RGS5: variants seen among roughly 807,000 people sequenced by gnomAD.
RGS5 encodes the protein regulator of G-protein signalling 5.
In RGS5, 20 loss-of-function variants were observed where a neutral mutation model predicts 18.9. The ratio of observed to expected loss-of-function variants is 1.06; its 90% CI spans 0.74 to 1.54. The LOEUF (loss-of-function observed/expected upper bound fraction) is 1.54. RGS5 is among the 40% of genes most tolerant of loss of function. RGS5 has a pLI of 0.00. For missense variants in RGS5, 201 were observed against 211.8 expected (o/e 0.95, Z 0.32); for synonymous variants, 57 against 76.2 (o/e 0.75, Z 1.31).
intron 2 of RGS5, among the ~76,000 whole-genome samples, chr1:163,263,020 T>G (rs1209845160): frequency 1.3e-5 from 2 of 152,152 alleles, no homozygotes; most frequent in African/African-American, 4.8e-5. Flanking sequence ...CAGCTAAGTC[T>G]GCTTCCTACC....
chr1:163,277,972 A>T (rs1648898535), intron 2 of RGS5, among the ~76,000 whole-genome samples: 1 of 152,068 alleles, frequency 6.6e-6, no homozygotes, highest in Non-Finnish European at 1.5e-5. Context: ...TAACCCAGAC[A>T]AAAAGAAAAA....
intron 1 of RGS5, among the ~76,000 whole-genome samples, chr1:163,180,718 G>A (rs148685766): frequency 0.059 from 2,758 of 46,732 alleles, 70 homozygotes; most frequent in South Asian, 0.091. Flanking sequence ...TTTTTGAGAC[G>A]GAGTCTCGCT....
At chr1:163,307,751 AG>A (rs1649744560) in intron 1 of RGS5, among the ~76,000 whole-genome samples, 1 of 152,200 alleles carries the variant, frequency 6.6e-6, no homozygotes, top group Non-Finnish European at 1.5e-5. Flanking sequence ...GGAATTTCAA[AG>A]GAAAGAAAAG....
intron 4 of RGS5, among the ~76,000 whole-genome samples, chr1:163,151,208 G>A (rs186010281): frequency 2.0e-4 from 30 of 152,210 alleles, no homozygotes; most frequent in African/African-American, 6.3e-4. Context: ...TCAATCAGTG[G>A]TATATTGGCT....
chr1:163,296,692 C>T (rs1649426436), intron 2 of RGS5, among the ~76,000 whole-genome samples: 1 of 152,052 alleles, frequency 6.6e-6, no homozygotes, highest in Non-Finnish European at 1.5e-5. Context: ...CATTAAAAAG[C>T]CCTAGGTCAT....
At chr1:163,310,410 T>TA (rs111894994) in intron 1 of RGS5, among the ~76,000 whole-genome samples, 13,520 of 151,784 alleles carry the variant, frequency 0.089, 679 homozygotes, top group African/African-American at 0.13. Flanking sequence ...CCATCTCTAC[T>TA]AAAAAATACA....
At chr1:163,212,656 T>C (rs1268252310) in intron 1 of RGS5, 1 of 152,156 alleles carries the variant, frequency 6.6e-6, no homozygotes, top group African/African-American at 2.4e-5. Flanking sequence ...TCCTTATAGC[T>C]CCCTCACTGT....
At chr1:163,274,281 C>T (rs909828755) in intron 2 of RGS5, among the ~76,000 whole-genome samples, 13 of 151,822 alleles carry the variant, frequency 8.6e-5, no homozygotes, top group African/African-American at 2.9e-4. Context: ...TTCAGCCCCA[C>T]CCACTGACCT....
intron 3 of RGS5, 147 bp downstream of exon 3, chr1:163,161,768 C>G (rs1201134965): frequency 1.7e-6 from 1 of 599,096 alleles, no homozygotes; most frequent in Non-Finnish European, 3.0e-6. Flanking sequence ...AATCACATAC[C>G]TGCAGCCCCC....
At chr1:163,245,649 A>C (rs1204265483) in intron 2 of RGS5, among the ~76,000 whole-genome samples, 1 of 152,214 alleles carries the variant, frequency 6.6e-6, no homozygotes, top group East Asian at 1.9e-4. Flanking sequence ...ACCTGTGTAA[A>C]TTTAGATGTA....
chr1:163,271,492 C>A (rs1419775923), intron 2 of RGS5, among the ~76,000 whole-genome samples: 1 of 152,182 alleles, frequency 6.6e-6, no homozygotes, highest in Non-Finnish European at 1.5e-5. Flanking sequence ...GATAGAGAAT[C>A]TGCTGGCATC....
intron 1 of RGS5, chr1:163,217,518 G>T: frequency 6.5e-7 from 1 of 1,531,932 alleles, no homozygotes; most frequent in East Asian, 2.5e-5. Context: ...ACTAATATTT[G>T]TACATACATT....
At chr1:163,309,901 G>A (rs1649807807) in intron 1 of RGS5, among the ~76,000 whole-genome samples, 1 of 152,178 alleles carries the variant, frequency 6.6e-6, no homozygotes, top group Non-Finnish European at 1.5e-5. Context: ...TCCATGGGCT[G>A]CAGAACAGAT....
At chr1:163,152,434 C>T (rs1657409339) in intron 4 of RGS5, 116 bp downstream of exon 4, 8 of 1,071,092 alleles carry the variant, frequency 7.5e-6, no homozygotes, top group Non-Finnish European at 6.7e-6. Context: ...ATAAGGTGGT[C>T]GACTCACAAA....
At chr1:163,281,113 G>A (rs1176370175) in intron 2 of RGS5, among the ~76,000 whole-genome samples, 1 of 152,172 alleles carries the variant, frequency 6.6e-6, no homozygotes, top group East Asian at 1.9e-4. Flanking sequence ...CTCTGCACAA[G>A]TCCTCTCTTT....
At chr1:163,167,439 A>G (rs1295969530) in intron 2 of RGS5, among the ~76,000 whole-genome samples, 1 of 152,168 alleles carries the variant, frequency 6.6e-6, no homozygotes, top group Non-Finnish European at 1.5e-5. Context: ...AGCAGGGATG[A>G]TGATGAACGA....
At position 163,142,449 on chromosome 1, in the gene RGS5, T is replaced by C. The variant is rs760936174; in HGVS notation, c.*4893A>G. ...AGATAAACACAATTTTTCTTGAATTTAAAATATATGGGATAAATGCTTACA... is the reference window on the plus strand; with the variant it reads ...AGATAAACACAATTTTTCTTGAATTCAAAATATATGGGATAAATGCTTACA... On this transcript the variant is annotated 3_prime_UTR_variant, in exon 5 of 5. Transcript: ENST00000313961. The C allele has an allele frequency of 6.6e-6, 1 of 152,172 alleles. No homozygotes were observed. The highest frequency in any genetic ancestry group is 1.9e-4 in the East Asian group (1 of 5,200). 9.4% of individuals were successfully genotyped at this position (152,172 alleles called of 1,614,324 possible).
intron 1 of RGS5, chr1:163,172,478 A>G: frequency 6.8e-7 from 1 of 1,471,484 alleles, no homozygotes; most frequent in East Asian, 2.5e-5. Context: ...TTTTTTGTGG[A>G]ATGATCTAGA....
intron 1 of RGS5, among the ~76,000 whole-genome samples, chr1:163,174,689 A>G (rs1197880962): frequency 6.6e-6 from 1 of 152,224 alleles, no homozygotes; most frequent in East Asian, 1.9e-4. Context: ...AGGGAGGATA[A>G]TTGCAATCAC....
Sources: allele counts gnomAD v4.1 joint callset (sites outside exome capture counted in the v4.1 genomes callset), GRCh38; gene constraint gnomAD v4.1.1; transcripts MANE v1.5; gene names NCBI Gene and HGNC (gene_info 2026-07-23, HGNC 2026-07-21).